Variants in VARS2 observed in about 807,000 individuals in gnomAD.
VARS2 encodes valine--tRNA ligase, mitochondrial.
In VARS2, 105 loss-of-function variants were observed where a neutral mutation model predicts 154.1. The ratio of observed to expected loss-of-function variants is 0.68; its 90% CI spans 0.58 to 0.80. The LOEUF is 0.80. Ranked by LOEUF, VARS2 falls within the 30% of genes least tolerant of loss-of-function variation. VARS2 has a pLI of 0.00. For missense variants in VARS2, 1,157 were observed against 1,361.4 expected, an observed-to-expected ratio of 0.85 and a Z score of 2.36; for synonymous variants, 483 against 539.5, an observed-to-expected ratio of 0.90 and a Z score of 1.45.
chr6:30,919,163 G>T lies in VARS2; in HGVS notation c.1074+248G>T. Reference sequence around the variant, plus strand: ...AGACAGAGTCTCGCTCTGTCACCAAGGCTGGAGGGCAGTGGTGTGATCTTG... The same window carrying T: ...AGACAGAGTCTCGCTCTGTCACCAATGCTGGAGGGCAGTGGTGTGATCTTG... On this transcript the variant is annotated intron_variant, in intron 11 of 29. Transcript: ENST00000676266. The surrounding 1 kb of genome is among the most constrained non-coding windows in gnomAD (Gnocchi z 4.5). 2.2e-6 allele frequency: 1 copy of T among 446,940 alleles called. No individual in the cohort carries two copies. The highest frequency in any genetic ancestry group is 3.4e-5 in the South Asian group (1 of 29,478). 27.7% of individuals were successfully genotyped at this position (446,940 alleles called of 1,614,324 possible).
Position 30,922,568 on chromosome 6 carries a change from A to G in VARS2, c.2037+14A>G, listed in dbSNP as rs1196774400. The G allele has an allele frequency of 6.4e-7, 1 of 1,556,978 alleles. No individual in the cohort carries two copies. The highest frequency in any genetic ancestry group is 1.9e-5 in the Admixed American group (1 of 53,290). ...GTGGAGATGCAGGTGAGGACGAAGCACCCACTAGAGGGACAAGGTTTGCAG... is the reference window on the plus strand; with the variant it reads ...GTGGAGATGCAGGTGAGGACGAAGCGCCCACTAGAGGGACAAGGTTTGCAG... On this transcript the variant is annotated intron_variant, in intron 21 of 29. Transcript: ENST00000676266.
At chr6:30,914,601 C>G in intron 1 of VARS2, 1 of 1,235,942 alleles carries the variant, frequency 8.1e-7, no homozygotes, top group Non-Finnish European at 1.1e-6. Context: ...CACTCCGGCC[C>G]TGTTCCGGAA....
In VARS2 at chr6:30,921,418, A is replaced by C; in HGVS notation, c.1632+113A>C. ...CTGCCTGGTCATGTGCTTCATGCTC[A>C]TAGTCATGTAACCTTCTGCGCGATC... On this transcript the variant is annotated intron_variant, in intron 17 of 29. Coordinates refer to ENST00000676266, the MANE Select transcript of VARS2 (RefSeq NM_020442.6). This position sits in a 1 kb window ranked among gnomAD's most constrained non-coding sequence, Gnocchi z 4.6. The C allele has an allele frequency of 6.8e-7, 1 of 1,463,870 alleles. No homozygotes were observed. The highest frequency in any genetic ancestry group is 9.5e-7 in the Non-Finnish European group (1 of 1,057,886). The allele number at this position is 1,463,870 out of a possible 1,614,324, so 90.7% of individuals were successfully genotyped here.
In VARS2 at chr6:30,919,086, G is replaced by A; in HGVS notation, c.1074+171G>A. ...CTCTTATAGTTTTTCTGTAGCTCAGGGGTTGACAAACTGGCCCATGGTCCT... is the reference window on the plus strand; with the variant it reads ...CTCTTATAGTTTTTCTGTAGCTCAGAGGTTGACAAACTGGCCCATGGTCCT... On this transcript the variant is annotated intron_variant, in intron 11 of 29. Transcript: ENST00000676266. This position sits in a 1 kb window ranked among gnomAD's most constrained non-coding sequence, Gnocchi z 4.5. 1 of 626,374 alleles carries A rather than the reference G, an allele frequency of 1.6e-6. No individual in the cohort carries two copies. Among genetic ancestry groups the A allele is most frequent in the South Asian group, 2.1e-5 (1 of 48,614 alleles). 38.8% of individuals were successfully genotyped at this position (626,374 alleles called of 1,614,324 possible). A position where few individuals can be genotyped will look rare whatever the true frequency, so the allele number is the denominator to read the frequency against.
Position 30,919,103 on chromosome 6 carries a change from C to A in VARS2, c.1074+188C>A. Reference sequence around the variant, plus strand: ...TAGCTCAGGGGTTGACAAACTGGCCCATGGTCCTAATCCAGCTTGCGGCCT... The same window carrying A: ...TAGCTCAGGGGTTGACAAACTGGCCAATGGTCCTAATCCAGCTTGCGGCCT... On this transcript the variant is annotated intron_variant, in intron 11 of 29. Coordinates refer to ENST00000676266, the MANE Select transcript of VARS2 (RefSeq NM_020442.6). The surrounding 1 kb of genome is among the most constrained non-coding windows in gnomAD (Gnocchi z 4.5). 1.7e-6 allele frequency: 1 copy of A among 592,956 alleles called. No individual in the cohort carries two copies. The highest frequency in any genetic ancestry group is 3.0e-6 in the Non-Finnish European group (1 of 335,760). The allele number at this position is 592,956 out of a possible 1,614,324, so 36.7% of individuals were successfully genotyped here.
chr6:30,924,498 A>C lies in VARS2; in HGVS notation c.2611A>C (p.Arg871=). The C allele has an allele frequency of 1.2e-6, 2 of 1,600,952 alleles. No homozygotes were observed. Among genetic ancestry groups the C allele is most frequent in the Non-Finnish European group, 1.7e-6 (2 of 1,171,916 alleles). Residue 871 remains arginine, a synonymous_variant, in exon 26 of 30, where the codon AGG becomes CGG. Transcript: ENST00000676266. ...AEELWQRLPP[R]PGCPPAPSIS... is the part of the protein sequence containing the mutation. ...AGAGCTCTGGCAGAGGCTGCCCCCCAGGCCTGGTTGCCCCCCTGCCCCCAG... is the reference window on the plus strand; with the variant it reads ...AGAGCTCTGGCAGAGGCTGCCCCCCCGGCCTGGTTGCCCCCCTGCCCCCAG...
chr6:30,914,432 G>C (rs984670003), intron 1 of VARS2, 88 bp downstream of exon 1: 5 of 1,271,962 alleles, frequency 3.9e-6, no homozygotes, highest in Non-Finnish European at 9.9e-7. Context: ...AGGCTTGGCC[G>C]CGCCGGGCTG....
intron 25 of VARS2, chr6:30,923,931 C>A (rs1015068511): frequency 1.1e-5 from 4 of 349,058 alleles, no homozygotes; most frequent in Non-Finnish European, 2.1e-5. Flanking sequence ...GGATCCCCCC[C>A]GCTCCACTGC....
chr6:30,917,168 A>G lies in VARS2; in HGVS notation c.817A>G (p.Asn273Asp), dbSNP rs762034910. Reference protein sequence around the residue: ...RLYKAGLLYRNHQLVNWSCAL... With the variant: ...RLYKAGLLYRDHQLVNWSCAL... ...CTACAAGGCGGGGTTGCTGTACCGG[A>G]ACCATCAGCTTGTCAACTGGTCATG... Residue 273 changes from asparagine to aspartate, a missense_variant, in exon 9 of 30, where the codon AAC becomes GAC. Transcript: ENST00000676266. This position sits in a 1 kb window ranked among gnomAD's most constrained non-coding sequence, Gnocchi z 4.4. 5.0e-6 allele frequency: 8 copies of G among 1,614,034 alleles called. No individual in the cohort carries two copies. The highest frequency in any genetic ancestry group is 4.2e-6 in the Non-Finnish European group (5 of 1,180,038).
Position 30,917,836 on chromosome 6 carries a change from T to G in VARS2, c.985+30T>G, listed in dbSNP as rs1418877991. Reference sequence around the variant, plus strand: ...GCATAGTACTCTGCAGGGTCACCCGTTTACCTCCATTTTTCCTGTTTTCTG... The same window carrying G: ...GCATAGTACTCTGCAGGGTCACCCGGTTACCTCCATTTTTCCTGTTTTCTG... On this transcript the variant is annotated intron_variant, in intron 10 of 29. Transcript: ENST00000676266. This position sits in a 1 kb window ranked among gnomAD's most constrained non-coding sequence, Gnocchi z 4.4. 6.5e-7 allele frequency: 1 copy of G among 1,546,196 alleles called. No individual in the cohort carries two copies.
intron 20 of VARS2, 29 bp from the exon 21 acceptor site, chr6:30,922,421 C>A: frequency 6.2e-7 from 1 of 1,610,342 alleles, no homozygotes; most frequent in Non-Finnish European, 8.5e-7. Flanking sequence ...CAAGGAAACC[C>A]CCCTCTGTTG....
At position 30,917,744 on chromosome 6, in the gene VARS2, G is replaced by A. The variant is rs1206236831; in HGVS notation, c.923G>A (p.Cys308Tyr). 6.4e-7 allele frequency: 1 copy of A among 1,568,546 alleles called. No homozygotes were observed. Among genetic ancestry groups the A allele is most frequent in the Admixed American group, 1.9e-5 (1 of 53,380 alleles). The change falls in exon 10 of 30, where the codon TGC (cysteine) becomes TAC (tyrosine). Residue 308 changes from cysteine to tyrosine, a missense_variant. Cys to Tyr is a radical substitution (Grantham distance 194). Coordinates refer to ENST00000676266, the MANE Select transcript of VARS2 (RefSeq NM_020442.6). The surrounding 1 kb of genome is among the most constrained non-coding windows in gnomAD (Gnocchi z 4.4). ...PGHTQLRLPG[C>Y]PTPVSFGLLF... is the part of the protein sequence containing the mutation. ...CACACACAGCTTCGACTGCCTGGCT[G>A]CCCCACCCCCGTGTCTTTTGGCCTC...
intron 4 of VARS2, 85 bp from the exon 5 acceptor site, chr6:30,915,661 G>A: frequency 6.3e-7 from 1 of 1,577,082 alleles, no homozygotes; most frequent in Non-Finnish European, 8.6e-7. Flanking sequence ...CTTCCTTGAA[G>A]TTCTTTCTGT....
intron 4 of VARS2, 60 bp from the exon 5 acceptor site, chr6:30,915,686 A>T: frequency 6.2e-7 from 1 of 1,603,574 alleles, no homozygotes. Flanking sequence ...GAGACAGTAG[A>T]GGGTGCTCTT....
Position 30,926,263 on chromosome 6 carries a change from C to G in VARS2, c.*53C>G, listed in dbSNP as rs1794833502. On this transcript the variant is annotated 3_prime_UTR_variant, in exon 30 of 30. Transcript: ENST00000676266. The stretch of plus-strand genomic sequence containing the variant: ...TCTCAGACCTGTCTTTGAGGACAAA[C>G]AGATTTGTCAGCTGTCAGGGTGCAG... 1.3e-5 allele frequency: 21 copies of G among 1,566,274 alleles called. No individual in the cohort carries two copies. Among genetic ancestry groups the G allele is most frequent in the Non-Finnish European group, 1.8e-5 (21 of 1,141,154 alleles).
In VARS2 at chr6:30,924,422, C is replaced by T. The variant is rs775824651; in HGVS notation, c.2535C>T (p.Cys845=). The part of the protein sequence containing the change: ...PLGPPQVLFS[C]ADLGLRLLAP... Reference sequence around the variant, plus strand: ...GGCCCCCTCAGGTCCTGTTCTCCTGCGCTGACCTCGGCCTCCGCCTCCTGG... The same window carrying T: ...GGCCCCCTCAGGTCCTGTTCTCCTGTGCTGACCTCGGCCTCCGCCTCCTGG... Residue 845 remains cysteine, a synonymous_variant, in exon 26 of 30, where the codon TGC becomes TGT. Transcript: ENST00000676266. The T allele has an allele frequency of 1.6e-5, 25 of 1,612,864 alleles. No homozygotes were observed. The highest frequency in any genetic ancestry group is 5.5e-5 in the South Asian group (5 of 91,074).
intron 25 of VARS2, chr6:30,924,142 G>A: frequency 1.7e-6 from 1 of 589,568 alleles, no homozygotes; most frequent in Non-Finnish European, 3.0e-6. Flanking sequence ...TGGAAATCCT[G>A]TCCCTGTGTA....
At position 30,925,972 on chromosome 6, in the gene VARS2, A is replaced by G. The variant is rs1562465161; in HGVS notation, c.3054A>G (p.Pro1018=). 2 of 1,613,086 alleles carry G rather than the reference A, an allele frequency of 1.2e-6. No homozygotes were observed. The highest frequency in any genetic ancestry group is 1.7e-6 in the Non-Finnish European group (2 of 1,180,030). ...KQLDSLTART[P]SEGEAGTQRQ... ...TTGACAGCCTCACAGCCAGGACCCC[A>G]TCAGAAGGGGAGGCAGGGACTCAGA... The change falls in exon 29 of 30, where the codon CCA becomes CCG. Residue 1018 remains proline, a synonymous_variant. Coordinates refer to ENST00000676266, the MANE Select transcript of VARS2 (RefSeq NM_020442.6).
At chr6:30,914,421 A>G (rs1391891513) in intron 1 of VARS2, 77 bp downstream of exon 1, 1 of 1,272,574 alleles carries the variant, frequency 7.9e-7, no homozygotes, top group Non-Finnish European at 9.9e-7. Flanking sequence ...GATGGGCGGG[A>G]AGGCTTGGCC....
Sources: gnomAD v4.1 joint callset for allele counts on GRCh38, gnomAD v4.1.1 for gene constraint, Gnocchi (gnomAD v3.1) non-coding constraint, MANE v1.5 for transcripts, NCBI Gene and HGNC (gene_info 2026-07-23, HGNC 2026-07-21) for gene names.